Variants in SPATS2 observed in about 807,000 individuals in gnomAD.
The protein encoded by SPATS2 is spermatogenesis associated serine rich 2.
SPATS2 carries 38 observed loss-of-function variants against 63.7 expected under a neutral mutation model. The ratio of observed to expected loss-of-function variants is 0.60; its 90% CI spans 0.46 to 0.78. SPATS2 has a LOEUF of 0.78. SPATS2 is among the 30% of genes least tolerant of loss of function. The pLI, the probability that SPATS2 is intolerant of heterozygous loss-of-function variation, is 0.00. For missense variants in SPATS2, 588 were observed against 666.2 expected, an observed-to-expected ratio of 0.88 and a Z score of 1.29; for synonymous variants, 207 against 232.9, an observed-to-expected ratio of 0.89 and a Z score of 1.01.
chr12:49,437,138 C>G (rs1945322950), intron 2 of SPATS2, among the ~76,000 whole-genome samples: 1 of 151,682 alleles, frequency 6.6e-6, no homozygotes, highest in Non-Finnish European at 1.5e-5. Context: ...TGGAGGGGCT[C>G]CTCACTTCTC....
intron 2 of SPATS2, among the ~76,000 whole-genome samples, chr12:49,412,945 A>G (rs1592372577): frequency 6.6e-6 from 1 of 152,302 alleles, no homozygotes; most frequent in Middle Eastern, 3.4e-3. Flanking sequence ...AGCTGGGGAA[A>G]GAAGAAGGAA....
chr12:49,379,482 C>G (rs1033472233), intron 2 of SPATS2, among the ~76,000 whole-genome samples: 11 of 131,480 alleles, frequency 8.4e-5, no homozygotes, highest in Non-Finnish European at 1.2e-4. Flanking sequence ...ACCCGGGAGG[C>G]AGAGGTTGCA....
intron 2 of SPATS2, among the ~76,000 whole-genome samples, chr12:49,459,940 GAA>G (rs533258878): frequency 7.5e-4 from 79 of 105,708 alleles, no homozygotes; most frequent in African/African-American, 1.4e-3. Flanking sequence ...TGTCTCTACT[GAA>G]AAAAAAAAAA....
At chr12:49,396,406 G>A (rs940004242) in intron 2 of SPATS2, among the ~76,000 whole-genome samples, 2 of 152,062 alleles carry the variant, frequency 1.3e-5, no homozygotes, top group Non-Finnish European at 2.9e-5. Flanking sequence ...TGATTTCCTC[G>A]TGGGAGGTTT....
chr12:49,410,512 A>T (rs1183597040), intron 2 of SPATS2, among the ~76,000 whole-genome samples: 1 of 152,040 alleles, frequency 6.6e-6, no homozygotes, highest in African/African-American at 2.4e-5. Context: ...TTACTATCTA[A>T]TTTTTCTCCC....
chr12:49,500,640 C>T lies in SPATS2; in HGVS notation c.839+435C>T, dbSNP rs182487641. On this transcript the variant is annotated intron_variant, in intron 9 of 13. Coordinates refer to ENST00000552918, the MANE Select transcript of SPATS2 (RefSeq NM_023071.4). ...ACAAAAAATTAGCTGGGTGTGGTGG[C>T]GCGCGCCTGTAGTCCTAGCTACTCG... Among the ~76,000 whole-genome samples the T allele has an allele frequency of 3.5e-4, 53 of 152,070 alleles. No individual in the cohort carries two copies. The East Asian group carries it at 8.0e-3, about 23-fold the overall frequency.
intron 2 of SPATS2, among the ~76,000 whole-genome samples, chr12:49,429,717 A>G (rs1945145395): frequency 6.6e-6 from 1 of 151,006 alleles, no homozygotes; most frequent in Non-Finnish European, 1.5e-5. Flanking sequence ...TCGCCTCCCA[A>G]AGTGCTGGGA....
chr12:49,472,639 A>G (rs539202011), intron 3 of SPATS2, among the ~76,000 whole-genome samples: 1 of 147,748 alleles, frequency 6.8e-6, no homozygotes, highest in South Asian at 2.1e-4. Context: ...AAAATATTAT[A>G]TTATATTATT....
At chr12:49,434,593 T>C (rs1945241253) in intron 2 of SPATS2, among the ~76,000 whole-genome samples, 1 of 152,210 alleles carries the variant, frequency 6.6e-6, no homozygotes, top group Non-Finnish European at 1.5e-5. Context: ...TAAAGAACAA[T>C]AAGAGTGATA....
intron 2 of SPATS2, among the ~76,000 whole-genome samples, chr12:49,416,906 G>A (rs1022533760): frequency 5.3e-5 from 8 of 152,286 alleles, no homozygotes; most frequent in Admixed American, 3.3e-4. Flanking sequence ...ATTTGCAAAC[G>A]TATTTTAAAA....
At chr12:49,464,087 A>G (rs1945866962) in intron 3 of SPATS2, among the ~76,000 whole-genome samples, 1 of 152,222 alleles carries the variant, frequency 6.6e-6, no homozygotes, top group African/African-American at 2.4e-5. Context: ...GGCAACATCT[A>G]AGCCCTTTTA....
intron 2 of SPATS2, among the ~76,000 whole-genome samples, chr12:49,400,673 C>T (rs984353977): frequency 6.6e-6 from 1 of 151,918 alleles, no homozygotes; most frequent in Admixed American, 6.6e-5. Flanking sequence ...GGAAGGGCAG[C>T]AACTAGGAGT....
chr12:49,519,271 T>A, intron 11 of SPATS2, 89 bp downstream of exon 11: 1 of 1,007,966 alleles, frequency 9.9e-7, no homozygotes, highest in African/African-American at 1.7e-5. Context: ...ATCTAATATA[T>A]TAAACTCATG....
At chr12:49,519,913 C>G (rs1292640849) in intron 11 of SPATS2, among the ~76,000 whole-genome samples, 1 of 151,656 alleles carries the variant, frequency 6.6e-6, no homozygotes, top group Non-Finnish European at 1.5e-5. Context: ...CTCCTAGGTG[C>G]AAGCAATTCT....
chr12:49,473,625 T>C (rs1355044031), intron 3 of SPATS2, among the ~76,000 whole-genome samples: 1 of 152,226 alleles, frequency 6.6e-6, no homozygotes, highest in Admixed American at 6.5e-5. Context: ...ATTGTTTGTA[T>C]TGTCCCAAAA....
rs542276502 is a variant in SPATS2, at chr12:49,460,346, C to T, written c.-243-424C>T. Among the ~76,000 whole-genome samples, 305 of 149,912 alleles carry T rather than the reference C, an allele frequency of 2.0e-3. 1 individual carries two copies. The highest frequency in any genetic ancestry group is 6.9e-3 in the African/African-American group (280 of 40,844). ...GTGCACGCCTGTAGTCCCAGCTACT[C>T]GGGAGGCTGAGGCAGGAGAATCACT... is the stretch of plus-strand genomic sequence containing the variant. On this transcript the variant is annotated intron_variant, in intron 2 of 13. Transcript: ENST00000552918.
At chr12:49,389,884 T>TA in intron 2 of SPATS2, 4 of 825,044 alleles carry the variant, frequency 4.8e-6, no homozygotes, top group Non-Finnish European at 8.7e-6. Flanking sequence ...CCGGGAAAAA[T>TA]AATGAAGTTA....
At chr12:49,442,133 A>G (rs538777950) in intron 2 of SPATS2, among the ~76,000 whole-genome samples, 3 of 152,300 alleles carry the variant, frequency 2.0e-5, no homozygotes, top group Admixed American at 2.0e-4. Flanking sequence ...TGCCCAGCTG[A>G]CACCCAAGAT....
At chr12:49,441,314 T>A (rs12306212) in intron 2 of SPATS2, among the ~76,000 whole-genome samples, 44,855 of 152,022 alleles carry the variant, frequency 0.3, 8,969 homozygotes, top group African/African-American at 0.57. Context: ...CAAATTGCAG[T>A]TGTATTCTCA....
Sources: gnomAD v4.1 joint callset for allele counts (sites outside exome capture counted in the v4.1 genomes callset) on GRCh38, gnomAD v4.1.1 for gene constraint, MANE v1.5 for transcripts, NCBI Gene and HGNC (gene_info 2026-07-23, HGNC 2026-07-21) for gene names.